Variants in UBXN7 observed in about 807,000 individuals in gnomAD.
UBXN7 encodes the protein UBX domain protein 7.
In UBXN7, 9 loss-of-function variants were observed where a neutral mutation model predicts 58.0. The ratio of observed to expected loss-of-function variants is 0.16; its 90% CI spans 0.09 to 0.27. The LOEUF (loss-of-function observed/expected upper bound fraction) is 0.27, where lower values mean the gene tolerates loss of function less well. Ranked by LOEUF, UBXN7 falls within the 10% of genes least tolerant of loss-of-function variation. The pLI, the probability that UBXN7 is intolerant of heterozygous loss-of-function variation, is 1.00. For missense variants in UBXN7, 328 were observed against 599.6 expected (o/e 0.55, Z 4.73); for synonymous variants, 208 against 205.0 (o/e 1.01, Z -0.12).
In UBXN7 at chr3:196,393,745, C is replaced by T. The variant is rs532048185; in HGVS notation, c.290-126G>A. 3 of 832,340 alleles carry T rather than the reference C, an allele frequency of 3.6e-6. No individual in the cohort carries two copies. The South Asian group carries it at 5.4e-5, about 15-fold the overall frequency. 51.6% of individuals were successfully genotyped at this position (832,340 alleles called of 1,614,324 possible). On this transcript the variant is annotated intron_variant, in intron 3 of 10. Transcript: ENST00000296328. ...AACCCTTCACGAACTGCATGTCACC[C>T]TTGCACAGGGGCCGTGCTAATCTCT...
chr3:196,370,451 C>T (rs1577438506), intron 6 of UBXN7, among the ~76,000 whole-genome samples: 1 of 140,812 alleles, frequency 7.1e-6, no homozygotes, highest in South Asian at 2.2e-4. Context: ...AGACCCTGTC[C>T]ATTTATTTAA....
At chr3:196,411,091 C>T (rs1226003906) in intron 1 of UBXN7, among the ~76,000 whole-genome samples, 1 of 152,190 alleles carries the variant, frequency 6.6e-6, no homozygotes, top group Non-Finnish European at 1.5e-5. Context: ...CCTACCTGCC[C>T]GTTCCCATCC....
At chr3:196,366,557 A>G (rs1728672765) in intron 8 of UBXN7, among the ~76,000 whole-genome samples, 1 of 151,946 alleles carries the variant, frequency 6.6e-6, no homozygotes, top group South Asian at 2.1e-4. Context: ...GTGAGACCAC[A>G]TCTCAAAAAA....
At chr3:196,408,525 C>T (rs1730230897) in intron 1 of UBXN7, among the ~76,000 whole-genome samples, 1 of 152,086 alleles carries the variant, frequency 6.6e-6, no homozygotes, top group African/African-American at 2.4e-5. Flanking sequence ...TGAACATTTT[C>T]TGGCCACTAA....
intron 8 of UBXN7, among the ~76,000 whole-genome samples, chr3:196,364,411 G>C (rs573750187): frequency 2.0e-5 from 3 of 152,204 alleles, no homozygotes; most frequent in Non-Finnish European, 2.9e-5. Context: ...ATATATGCCA[G>C]AGTATTAATT....
At chr3:196,421,117 G>A (rs560053933) in intron 1 of UBXN7, among the ~76,000 whole-genome samples, 10 of 152,220 alleles carry the variant, frequency 6.6e-5, no homozygotes, top group East Asian at 5.8e-4. Flanking sequence ...TTCAAATATC[G>A]AAAACATTTT....
At chr3:196,397,561 G>A (rs762108503) in intron 3 of UBXN7, 4 of 152,342 alleles carry the variant, frequency 2.6e-5, no homozygotes, top group Non-Finnish European at 4.4e-5. Context: ...GCTATTCACA[G>A]GCACAATCCC....
intron 1 of UBXN7, among the ~76,000 whole-genome samples, chr3:196,415,746 C>T (rs1242686183): frequency 6.6e-6 from 1 of 151,494 alleles, no homozygotes; most frequent in Admixed American, 6.6e-5. Flanking sequence ...TGTGCCACTG[C>T]ACTCCAGCCT....
chr3:196,407,290 G>A lies in UBXN7; in HGVS notation c.177C>T (p.Pro59=). 1 of 1,614,038 alleles carries A rather than the reference G, an allele frequency of 6.2e-7. No individual in the cohort carries two copies. Among genetic ancestry groups the A allele is most frequent in the Non-Finnish European group, 8.5e-7 (1 of 1,180,018 alleles). ...TAGAGACACTTGCTGAACTGGTACT[G>A]GGCTCTTCAGCGATTCCTCCACCAT... is the stretch of plus-strand genomic sequence containing the variant. ...FLDGGGIAEE[P]STSSASVSTV... is the part of the protein sequence containing the mutation. The change falls in exon 2 of 11, where the codon CCC becomes CCT. Residue 59 remains proline (P), a synonymous_variant. Coordinates refer to ENST00000296328, the MANE Select transcript of UBXN7 (RefSeq NM_015562.2).
chr3:196,412,244 A>AG (rs1276879498), intron 1 of UBXN7, among the ~76,000 whole-genome samples: 40 of 104,174 alleles, frequency 3.8e-4, no homozygotes, highest in South Asian at 3.0e-3. Context: ...AAAAAAAAAA[A>AG]AAAAAGAAAA....
In UBXN7 at chr3:196,356,847, C is replaced by A; in HGVS notation, c.1309-1G>T. The stretch of plus-strand genomic sequence containing the variant: ...TAGACTGCACGTGCTTCACCAAAGC[C>A]TATAAAAACAAGAGAAAGACAAAGC... On this transcript the variant is annotated splice_acceptor_variant, in intron 10 of 10. Transcript: ENST00000296328. LOFTEE classifies it high-confidence loss of function. The A allele has an allele frequency of 6.2e-7, 1 of 1,600,034 alleles. No individual in the cohort carries two copies.
At chr3:196,431,905 A>T in intron 1 of UBXN7, 1 of 352,414 alleles carries the variant, frequency 2.8e-6, no homozygotes, top group Non-Finnish European at 5.6e-6. Context: ...CGGGGAAGAA[A>T]GGAAAAAAGG....
rs894793736 is a variant in UBXN7, at chr3:196,372,343, CT to C, written c.469-302del. ...CTCTCTCTCCTTTCTTTCTTTCTTT[CT>C]TTTTTTTTTTTTTTTGAGACAGAGT... is the stretch of plus-strand genomic sequence containing the variant. On this transcript the variant is annotated intron_variant, in intron 5 of 10. Transcript: ENST00000296328. Among the ~76,000 whole-genome samples, 652 of 107,494 alleles carry C rather than the reference CT, an allele frequency of 6.1e-3. 7 individuals are homozygous for C. Among genetic ancestry groups the C allele is most frequent in the African/African-American group, 0.015 (476 of 32,200 alleles). The allele number at this position is 107,494 out of a possible 152,430, so 70.5% of individuals were successfully genotyped here.
intron 4 of UBXN7, among the ~76,000 whole-genome samples, chr3:196,392,818 T>C (rs2108846309): frequency 6.6e-6 from 1 of 152,008 alleles, no homozygotes; most frequent in African/African-American, 2.4e-5. Flanking sequence ...TAAATAGTAA[T>C]AATAAAAAAA....
At chr3:196,412,781 G>A (rs1243646127) in intron 1 of UBXN7, among the ~76,000 whole-genome samples, 2 of 152,134 alleles carry the variant, frequency 1.3e-5, no homozygotes, top group Non-Finnish European at 2.9e-5. Context: ...GAACCTTGAG[G>A]ACATTATGCT....
intron 10 of UBXN7, among the ~76,000 whole-genome samples, chr3:196,359,384 A>G (rs1728442882): frequency 6.6e-6 from 1 of 152,116 alleles, no homozygotes; most frequent in Admixed American, 6.5e-5. Context: ...ACAGTATTGA[A>G]AGTAGGCCAA....
At chr3:196,413,964 G>A (rs1730407526) in intron 1 of UBXN7, among the ~76,000 whole-genome samples, 2 of 152,076 alleles carry the variant, frequency 1.3e-5, no homozygotes, top group Admixed American at 1.3e-4. Flanking sequence ...ATGACAAACA[G>A]AAAAGTCTCT....
chr3:196,353,302 T>G lies in UBXN7; in HGVS notation c.*3383A>C, dbSNP rs1728258829. On this transcript the variant is annotated 3_prime_UTR_variant, in exon 11 of 11. Coordinates refer to ENST00000296328, the MANE Select transcript of UBXN7 (RefSeq NM_015562.2). ...ACATGGGAAGAAAGTATACATTTTG[T>G]ACGATTCTTCGGGAGATTGAAGAGG... 6.6e-6 allele frequency: 1 copy of G among 152,218 alleles called. No individual in the cohort carries two copies. The highest frequency in any genetic ancestry group is 2.4e-5 in the African/African-American group (1 of 41,454). The allele number at this position is 152,218 out of a possible 1,614,324, so 9.4% of individuals were successfully genotyped here.
At chr3:196,405,660 A>G (rs1347467768) in intron 2 of UBXN7, among the ~76,000 whole-genome samples, 1 of 152,082 alleles carries the variant, frequency 6.6e-6, no homozygotes, top group Non-Finnish European at 1.5e-5. Context: ...CATCAATTAG[A>G]GGGGTGGATT....
Sources: gnomAD v4.1 joint callset for allele counts (sites outside exome capture counted in the v4.1 genomes callset) on GRCh38, gnomAD v4.1.1 for gene constraint, MANE v1.5 for transcripts, NCBI Gene and HGNC (gene_info 2026-07-23, HGNC 2026-07-21) for gene names.